Variants in HPRT1 observed in about 807,000 individuals in gnomAD.
HPRT1 encodes the protein hypoxanthine phosphoribosyltransferase 1, also known as hypoxanthine-guanine phosphoribosyltransferase.
HPRT1 carries 4 observed loss-of-function variants against 19.0 expected under a neutral mutation model. The observed-to-expected ratio is 0.21, with a 90% CI of 0.10 to 0.48. The LOEUF (loss-of-function observed/expected upper bound fraction) is 0.48, where lower values mean the gene tolerates loss of function less well. Among genes scored for constraint, HPRT1 ranks in the 20% least tolerant of loss-of-function variants. The pLI is 0.98. For missense variants in HPRT1, 65 were observed against 164.0 expected (o/e 0.40, Z 3.30); for synonymous variants, 53 against 54.9 (o/e 0.97, Z 0.15).
chrX:134,474,445 G>T (rs1416869727), intron 2 of HPRT1, among the ~76,000 whole-genome samples: 1 of 104,962 alleles, frequency 9.5e-6, no homozygotes, highest in Non-Finnish European at 1.9e-5. Flanking sequence ...TTGAGACAAG[G>T]TCTCTGTTGC....
At chrX:134,461,105 G>C (rs1602734667) in intron 1 of HPRT1, among the ~76,000 whole-genome samples, 2 of 111,536 alleles carry the variant, frequency 1.8e-5, no homozygotes, top group Admixed American at 1.9e-4. Flanking sequence ...GTTTTTTCTT[G>C]TTTGTTGAAC....
chrX:134,467,550 A>C (rs972042567), intron 1 of HPRT1, among the ~76,000 whole-genome samples: 10 of 111,705 alleles, frequency 9.0e-5, no homozygotes, highest in Non-Finnish European at 1.7e-4. Context: ...GGGTTAATTA[A>C]TATCAGATGG....
chrX:134,460,504 G>C (rs1414295735), intron 1 of HPRT1, 166 bp downstream of exon 1: 3 of 308,876 alleles, frequency 9.7e-6, no homozygotes, highest in Non-Finnish European at 1.6e-5. Context: ...TCACGCGAGG[G>C]CGGCAGGGAG....
At chrX:134,476,817 T>C (rs2077626219) in intron 3 of HPRT1, among the ~76,000 whole-genome samples, 1 of 111,046 alleles carries the variant, frequency 9.0e-6, no homozygotes, top group Non-Finnish European at 1.9e-5. Flanking sequence ...GACATTTTAT[T>C]TCCATTTTCT....
At chrX:134,488,587 T>C (rs973295111) in intron 4 of HPRT1, among the ~76,000 whole-genome samples, 3 of 111,724 alleles carry the variant, frequency 2.7e-5, no homozygotes, top group Non-Finnish European at 5.6e-5. Context: ...CTATTTTCAT[T>C]TTATCAAATG....
At chrX:134,480,457 T>TTC (rs1263144451) in intron 3 of HPRT1, among the ~76,000 whole-genome samples, 1 of 108,179 alleles carries the variant, frequency 9.2e-6, no homozygotes, top group Non-Finnish European at 1.9e-5. Context: ...TAGAAATGTT[T>TTC]TTTTTTTTGA....
chrX:134,465,622 C>G (rs946128218), intron 1 of HPRT1, among the ~76,000 whole-genome samples: 2 of 112,214 alleles, frequency 1.8e-5, no homozygotes, highest in East Asian at 2.8e-4. Flanking sequence ...ATAAAAGTAC[C>G]TGTAGCGATT....
At chrX:134,490,931 A>G (rs1034868524) in intron 5 of HPRT1, among the ~76,000 whole-genome samples, 22 of 104,898 alleles carry the variant, frequency 2.1e-4, no homozygotes, top group Non-Finnish European at 4.1e-4. Context: ...TCAACTTCGT[A>G]TTCCTCCTCA....
At chrX:134,461,517 AACTT>A (rs1401218703) in intron 1 of HPRT1, among the ~76,000 whole-genome samples, 1 of 112,306 alleles carries the variant, frequency 8.9e-6, no homozygotes, top group African/African-American at 3.2e-5. Flanking sequence ...GGCTGTGGGC[AACTT>A]ACTTCACCTC....
At chrX:134,464,367 A>G (rs188348807) in intron 1 of HPRT1, among the ~76,000 whole-genome samples, 7 of 111,604 alleles carry the variant, frequency 6.3e-5, no homozygotes, top group Non-Finnish European at 7.5e-5. Flanking sequence ...AGTTAACACA[A>G]ATTATCCAAG....
Position 134,475,278 on chromosome X carries a change from C to T in HPRT1, c.232C>T (p.Leu78=). ...GGGGGGCTATAAATTCTTTGCTGAC[C>T]TGCTGGATTACATCAAAGCACTGAA... ...LKGGYKFFAD[L]LDYIKALNRN... Residue 78 remains leucine (L), a synonymous_variant, in exon 3 of 9, where the codon CTG becomes TTG. Transcript: ENST00000298556. 8.4e-7 allele frequency: 1 copy of T among 1,194,015 alleles called. No homozygotes were observed. The highest frequency in any genetic ancestry group is 1.8e-5 in the South Asian group (1 of 56,581).
At chrX:134,461,996 G>A (rs1488869433) in intron 1 of HPRT1, among the ~76,000 whole-genome samples, 1 of 110,105 alleles carries the variant, frequency 9.1e-6, no homozygotes, top group Non-Finnish European at 1.9e-5. Context: ...TTTGAGACAG[G>A]GTCTCACTCT....
chrX:134,475,062 C>T (rs754964687), intron 2 of HPRT1, 119 bp from the exon 3 acceptor site: 29 of 495,557 alleles, frequency 5.9e-5, no homozygotes, highest in Non-Finnish European at 7.9e-5. Flanking sequence ...TTTTTTTTTG[C>T]AGGCATGGGG....
Position 134,493,710 on chromosome X carries a change from C to T in HPRT1, c.485+120C>T, listed in dbSNP as rs775163664. ...TTATCTTCGAAAAGTAATGTAATCT[C>T]ATATAAGACTTAAGATATAATCCTT... On this transcript the variant is annotated intron_variant, in intron 6 of 8. Transcript: ENST00000298556. The T allele has an allele frequency of 4.2e-4, 225 of 533,734 alleles. 3 individuals carry two copies. In the South Asian group the frequency reaches 5.5e-3, roughly 13 times the overall value. The allele number at this position is 533,734 out of a possible 1,213,427, so 44.0% of individuals were successfully genotyped here. A position where few individuals can be genotyped will look rare whatever the true frequency, so the allele number is the denominator to read the frequency against.
At chrX:134,483,041 A>G (rs1187529159) in intron 3 of HPRT1, among the ~76,000 whole-genome samples, 1 of 110,581 alleles carries the variant, frequency 9.0e-6, no homozygotes, top group African/African-American at 3.3e-5. Context: ...AGTCCATTCT[A>G]GGATCCTAAA....
At position 134,460,335 on chromosome X, in the gene HPRT1, C is replaced by T; in HGVS notation, c.24C>T (p.Val8=). 1.8e-6 allele frequency: 2 copies of T among 1,123,735 alleles called. No individual in the cohort carries two copies. Among genetic ancestry groups the T allele is most frequent in the East Asian group, 3.7e-5 (1 of 26,978 alleles). 92.6% of individuals were successfully genotyped at this position (1,123,735 alleles called of 1,213,427 possible). A position where few individuals can be genotyped will look rare whatever the true frequency, so the allele number is the denominator to read the frequency against. Residue 8 remains valine, a synonymous_variant, in exon 1 of 9, where the codon GTC becomes GTT. Coordinates refer to ENST00000298556, the MANE Select transcript of HPRT1 (RefSeq NM_000194.3). ...TTATGGCGACCCGCAGCCCTGGCGTCGTGGTGAGCAGCTCGGCCTGCCGGC... is the reference window on the plus strand; with the variant it reads ...TTATGGCGACCCGCAGCCCTGGCGTTGTGGTGAGCAGCTCGGCCTGCCGGC... MATRSPG[V]VISDDEPGYD...
In HPRT1 at chrX:134,485,602, A is replaced by G. The variant is rs138243766; in HGVS notation, c.319-863A>G. 5.7e-3 allele frequency among the ~76,000 whole-genome samples: 636 copies of G among 111,992 alleles called. 5 individuals carry two copies. Among genetic ancestry groups the G allele is most frequent in the African/African-American group, 0.02 (614 of 30,836 alleles). On this transcript the variant is annotated intron_variant, in intron 3 of 8. Transcript: ENST00000298556. ...CATCTTTTCCCTACTGACTCGAAAT[A>G]CCATCTTTATTGTATACTAAATCCT...
chrX:134,470,922 A>T (rs1265804910), intron 1 of HPRT1, among the ~76,000 whole-genome samples: 6 of 108,421 alleles, frequency 5.5e-5, no homozygotes, highest in Middle Eastern at 4.8e-3. Context: ...AAAGAGAGAG[A>T]AAAAAATTTT....
At chrX:134,494,277 A>T (rs1262205630) in intron 6 of HPRT1, among the ~76,000 whole-genome samples, 1 of 112,203 alleles carries the variant, frequency 8.9e-6, no homozygotes, top group African/African-American at 3.2e-5. Flanking sequence ...TTTTTAATAG[A>T]GTGACATCAA....
Sources: gnomAD v4.1 joint callset for allele counts (sites outside exome capture counted in the v4.1 genomes callset) on GRCh38, gnomAD v4.1.1 for gene constraint, MANE v1.5 for transcripts, NCBI Gene and HGNC (gene_info 2026-07-23, HGNC 2026-07-21) for gene names.